The following STK24 variants were observed in gnomAD, a reference collection of about 807,000 sequenced individuals.
The protein encoded by STK24 is serine/threonine kinase 24, also known as serine/threonine-protein kinase 24.
STK24 carries 21 observed loss-of-function variants against 55.6 expected under a neutral mutation model. The ratio of observed to expected loss-of-function variants is 0.38; its 90% CI spans 0.27 to 0.54. The LOEUF is 0.54. Ranked by LOEUF, STK24 falls within the 20% of genes least tolerant of loss-of-function variation. The pLI, the probability that STK24 is intolerant of heterozygous loss-of-function variation, is 0.79. For missense variants in STK24, 383 were observed against 538.4 expected, an observed-to-expected ratio of 0.71 and a Z score of 2.86; for synonymous variants, 200 against 215.2, an observed-to-expected ratio of 0.93 and a Z score of 0.62.
intron 2 of STK24, among the ~76,000 whole-genome samples, chr13:98,495,152 T>G (rs1895201555): frequency 6.6e-6 from 1 of 152,236 alleles, no homozygotes; most frequent in African/African-American, 2.4e-5. Context: ...TTCCTTATTT[T>G]GAAGCAGGTG....
At chr13:98,544,690 CAGT>C (rs1896986341) in intron 1 of STK24, among the ~76,000 whole-genome samples, 1 of 152,180 alleles carries the variant, frequency 6.6e-6, no homozygotes, top group African/African-American at 2.4e-5. Flanking sequence ...CAAGGAAAGA[CAGT>C]GGTGAAAAAG....
chr13:98,534,487 T>C (rs1438134618), intron 1 of STK24, among the ~76,000 whole-genome samples: 2 of 152,206 alleles, frequency 1.3e-5, no homozygotes, highest in African/African-American at 2.4e-5. Flanking sequence ...CTGGGGACTA[T>C]ACTACCTTTG....
In STK24 at chr13:98,450,661, C is replaced by T. The variant is rs1893144366; in HGVS notation, c.*2512G>A. 1 of 152,260 alleles carries T rather than the reference C, an allele frequency of 6.6e-6. No homozygotes were observed. The highest frequency in any genetic ancestry group is 1.5e-5 in the Non-Finnish European group (1 of 68,070). 9.4% of individuals were successfully genotyped at this position (152,260 alleles called of 1,614,324 possible). A position where few individuals can be genotyped will look rare whatever the true frequency, so the allele number is the denominator to read the frequency against. ...CTCTGGGCAGCTGAGCCAGGAGCAG[C>T]TCAGGGCTGGCACTGAGAGGCTACT... On this transcript the variant is annotated 3_prime_UTR_variant, in exon 11 of 11. Transcript: ENST00000539966.
chr13:98,576,119 A>G, intron 1 of STK24: 1 of 985,066 alleles, frequency 1.0e-6, no homozygotes, highest in Non-Finnish European at 1.2e-6. Flanking sequence ...TCCTCCTTCC[A>G]GAAGGTTTGC....
At chr13:98,528,926 G>A (rs927543189) in intron 1 of STK24, among the ~76,000 whole-genome samples, 4 of 152,174 alleles carry the variant, frequency 2.6e-5, no homozygotes, top group African/African-American at 9.7e-5. Context: ...AGCAGGGAAG[G>A]GGAGTTGGCT....
chr13:98,515,628 A>G (rs558624855), intron 2 of STK24, among the ~76,000 whole-genome samples: 4 of 152,330 alleles, frequency 2.6e-5, no homozygotes, highest in African/African-American at 7.2e-5. Context: ...TGACTTCATC[A>G]CTGCTACTGT....
At chr13:98,540,933 G>A (rs1182260066) in intron 1 of STK24, among the ~76,000 whole-genome samples, 1 of 152,028 alleles carries the variant, frequency 6.6e-6, no homozygotes, top group African/African-American at 2.4e-5. Context: ...GGAGTCTGAA[G>A]AAGCTCCCCA....
intron 2 of STK24, among the ~76,000 whole-genome samples, chr13:98,510,126 C>T (rs1439683887): frequency 6.6e-6 from 1 of 152,170 alleles, no homozygotes; most frequent in Non-Finnish European, 1.5e-5. Flanking sequence ...ACCACATTAC[C>T]CCAGGACGTG....
chr13:98,482,365 C>G, intron 2 of STK24, 44 bp from the exon 3 acceptor site: 2 of 1,273,300 alleles, frequency 1.6e-6, no homozygotes, highest in Non-Finnish European at 2.2e-6. Flanking sequence ...AAAATGAATC[C>G]AGGAAAATTT....
rs537726594 is a variant in STK24, at chr13:98,484,382, C to A, written c.274-2061G>T. On this transcript the variant is annotated intron_variant, in intron 2 of 10. Coordinates refer to ENST00000539966, the MANE Select transcript of STK24 (RefSeq NM_001032296.4). Reference sequence around the variant, plus strand: ...GCTGTTTAACTGGTTTCACTGGCTCCCATCCCTTCTATTTTCTGGGCATTA... The same window carrying A: ...GCTGTTTAACTGGTTTCACTGGCTCACATCCCTTCTATTTTCTGGGCATTA... Among the ~76,000 whole-genome samples, 42 of 152,332 alleles carry A rather than the reference C, an allele frequency of 2.8e-4. No homozygotes were observed. In the South Asian group the frequency reaches 5.8e-3, roughly 21 times the overall value.
chr13:98,546,945 CTT>C (rs1163135763), intron 1 of STK24, among the ~76,000 whole-genome samples: 1 of 152,016 alleles, frequency 6.6e-6, no homozygotes. Context: ...GAGTTTCACT[CTT>C]GTTGCCCAGG....
chr13:98,504,252 TATCC>T (rs1471707378), intron 2 of STK24, among the ~76,000 whole-genome samples: 1 of 152,006 alleles, frequency 6.6e-6, no homozygotes, highest in Non-Finnish European at 1.5e-5. Flanking sequence ...TGTTCTGATA[TATCC>T]ATCCCTTTAA....
chr13:98,478,964 GA>G lies in STK24; in HGVS notation c.330+3300del, dbSNP rs577531686. 2.0e-4 allele frequency among the ~76,000 whole-genome samples: 31 copies of G among 152,232 alleles called. 2 individuals carry two copies. The South Asian group carries it at 6.0e-3, about 30-fold the overall frequency. ...GTGTAATTGACAGACCTCCCCACCA[GA>G]ACTCCCCAAGAGCAGGACTTTCCGC... is the stretch of plus-strand genomic sequence containing the variant. On this transcript the variant is annotated intron_variant, in intron 3 of 10. Transcript: ENST00000539966.
chr13:98,527,406 G>A (rs1311456475), intron 1 of STK24, among the ~76,000 whole-genome samples: 9 of 152,214 alleles, frequency 5.9e-5, no homozygotes, highest in African/African-American at 1.7e-4. Context: ...CAATTAGAGC[G>A]GTGGGAACAT....
In STK24 at chr13:98,526,552, T is replaced by C. The variant is rs796779553; in HGVS notation, c.43-7079A>G. Among the ~76,000 whole-genome samples, 4 of 152,344 alleles carry C rather than the reference T, an allele frequency of 2.6e-5. No individual in the cohort carries two copies. The South Asian group carries it at 6.2e-4, about 24-fold the overall frequency. ...GGTTTGAACCTAGCCAGCAAGCTCCTGTCTCCTCACTGTACTAGGCTTGGG... is the reference window on the plus strand; with the variant it reads ...GGTTTGAACCTAGCCAGCAAGCTCCCGTCTCCTCACTGTACTAGGCTTGGG... On this transcript the variant is annotated intron_variant, in intron 1 of 10. Transcript: ENST00000539966.
intron 2 of STK24, among the ~76,000 whole-genome samples, chr13:98,518,068 C>T (rs1196922977): frequency 6.6e-6 from 1 of 152,090 alleles, no homozygotes; most frequent in African/African-American, 2.4e-5. Flanking sequence ...AAGTAAATGA[C>T]AAGATTCAAG....
intron 1 of STK24, among the ~76,000 whole-genome samples, chr13:98,551,678 G>T (rs1240091875): frequency 6.6e-6 from 1 of 152,060 alleles, no homozygotes; most frequent in African/African-American, 2.4e-5. Flanking sequence ...TCCAGGAAGG[G>T]TTCCTTTCTT....
chr13:98,524,856 C>T (rs922325034), intron 1 of STK24, among the ~76,000 whole-genome samples: 5 of 152,198 alleles, frequency 3.3e-5, no homozygotes, highest in East Asian at 1.9e-4. Context: ...TCCCAAAAGA[C>T]GTTTCCAGGC....
chr13:98,517,940 A>G (rs1324786019), intron 2 of STK24, among the ~76,000 whole-genome samples: 1 of 152,242 alleles, frequency 6.6e-6, no homozygotes, highest in Non-Finnish European at 1.5e-5. Context: ...GTACTTTCAC[A>G]TACTTAATTC....
Sources: allele counts gnomAD v4.1 joint callset (sites outside exome capture counted in the v4.1 genomes callset), GRCh38; gene constraint gnomAD v4.1.1; transcripts MANE v1.5; gene names NCBI Gene and HGNC (gene_info 2026-07-23, HGNC 2026-07-21).